NEDD4: variants seen among roughly 807,000 people sequenced by gnomAD.
The protein encoded by NEDD4 is NEDD4 E3 ubiquitin protein ligase.
NEDD4 carries 99 observed loss-of-function variants against 144.9 expected under a neutral mutation model. That is an observed-to-expected ratio of 0.68 (90% confidence interval 0.58 to 0.81). NEDD4 has a LOEUF of 0.81. Ranked by LOEUF, NEDD4 falls within the 30% of genes least tolerant of loss-of-function variation. The pLI is 0.00. For missense variants in NEDD4, 985 were observed against 1,065.9 expected, an observed-to-expected ratio of 0.92 and a Z score of 1.06; for synonymous variants, 318 against 350.6, an observed-to-expected ratio of 0.91 and a Z score of 1.04.
At chr15:55,873,651 G>C (rs538463547) in intron 6 of NEDD4, among the ~76,000 whole-genome samples, 2 of 152,160 alleles carry the variant, frequency 1.3e-5, no homozygotes, top group East Asian at 3.9e-4. Context: ...TCTTCTGTGA[G>C]CTTAGGCACT....
chr15:55,837,422 A>G (rs1295852964), intron 24 of NEDD4, among the ~76,000 whole-genome samples: 12 of 108,356 alleles, frequency 1.1e-4, no homozygotes, highest in South Asian at 3.7e-4. Context: ...AAAGTGACTC[A>G]CTCCGCGCTC....
At chr15:55,831,611 T>A (rs1346320374) in intron 27 of NEDD4, among the ~76,000 whole-genome samples, 2 of 152,204 alleles carry the variant, frequency 1.3e-5, no homozygotes, top group Non-Finnish European at 2.9e-5. Flanking sequence ...CTGGCAAAGC[T>A]AACCACTTTG....
intron 5 of NEDD4, among the ~76,000 whole-genome samples, chr15:55,900,436 G>A (rs1374124649): frequency 6.6e-6 from 1 of 152,146 alleles, no homozygotes; most frequent in Non-Finnish European, 1.5e-5. Flanking sequence ...AGGAAACTCA[G>A]ATTAAATGGA....
chr15:55,874,889 G>A (rs984141839), intron 5 of NEDD4, among the ~76,000 whole-genome samples: 2 of 152,008 alleles, frequency 1.3e-5, no homozygotes, highest in East Asian at 1.9e-4. Context: ...CAGGAGAGTG[G>A]CTTAAATCCA....
intron 5 of NEDD4, chr15:55,916,766 G>A (rs755586118): frequency 1.9e-6 from 3 of 1,613,828 alleles, no homozygotes; most frequent in Admixed American, 1.7e-5. Flanking sequence ...CATCTCCGGA[G>A]GTTTCTGACA....
chr15:55,961,465 G>GTAT (rs58665877), intron 2 of NEDD4, among the ~76,000 whole-genome samples: 226 of 150,856 alleles, frequency 1.5e-3, no homozygotes, highest in East Asian at 5.1e-3. Context: ...TAAGTTTGTG[G>GTAT]TATTATTATT....
chr15:55,953,146 C>T (rs981250064), intron 2 of NEDD4, among the ~76,000 whole-genome samples: 1 of 151,806 alleles, frequency 6.6e-6, no homozygotes, highest in Non-Finnish European at 1.5e-5. Flanking sequence ...CACACCACCA[C>T]GCCCGGCTAA....
intron 12 of NEDD4, among the ~76,000 whole-genome samples, chr15:55,853,913 C>T (rs1208331021): frequency 6.6e-6 from 1 of 152,148 alleles, no homozygotes; most frequent in Non-Finnish European, 1.5e-5. Flanking sequence ...ACTGCTTGAA[C>T]CGGGAGGCAG....
intron 5 of NEDD4, among the ~76,000 whole-genome samples, chr15:55,898,231 A>C (rs2035799034): frequency 6.6e-6 from 1 of 152,218 alleles, no homozygotes; most frequent in Admixed American, 6.5e-5. Context: ...CATAGTTGGA[A>C]GTCACTATTT....
chr15:55,930,482 C>T (rs2036758114), intron 4 of NEDD4, among the ~76,000 whole-genome samples: 1 of 152,132 alleles, frequency 6.6e-6, no homozygotes, highest in Non-Finnish European at 1.5e-5. Flanking sequence ...CTCTAGGTGA[C>T]CTTCCATTCA....
At chr15:55,991,672 G>T (rs2037990378) in intron 1 of NEDD4, among the ~76,000 whole-genome samples, 1 of 152,228 alleles carries the variant, frequency 6.6e-6, no homozygotes, top group African/African-American at 2.4e-5. Flanking sequence ...CCCAGAATGT[G>T]AATGGGATAG....
rs559489117 is a variant in NEDD4, at chr15:55,849,163, T to C, written c.1348-277A>G. Among the ~76,000 whole-genome samples, 10 of 152,328 alleles carry C rather than the reference T, an allele frequency of 6.6e-5. No individual in the cohort carries two copies. The South Asian group carries it at 1.7e-3, about 25-fold the overall frequency. ...GCTCTTTAGGAAATGTGTCACTATATAGGGCTTTTCTCTATGTAAAAACTG... is the reference window on the plus strand; with the variant it reads ...GCTCTTTAGGAAATGTGTCACTATACAGGGCTTTTCTCTATGTAAAAACTG... On this transcript the variant is annotated intron_variant, in intron 14 of 28. Coordinates refer to ENST00000435532, the MANE Select transcript of NEDD4 (RefSeq NM_006154.4).
chr15:55,889,763 T>C (rs1238043048), intron 5 of NEDD4, among the ~76,000 whole-genome samples: 1 of 152,080 alleles, frequency 6.6e-6, no homozygotes, highest in African/African-American at 2.4e-5. Flanking sequence ...TGCAGTGGTG[T>C]GATCTCAGCT....
intron 4 of NEDD4, among the ~76,000 whole-genome samples, chr15:55,938,555 A>G (rs760739018): frequency 2.6e-5 from 4 of 152,146 alleles, no homozygotes; most frequent in Non-Finnish European, 4.4e-5. Context: ...TGACAATGAC[A>G]ATGATTTTTT....
At chr15:55,993,466 A>C in intron 1 of NEDD4, 45 bp downstream of exon 1, 1 of 1,586,962 alleles carries the variant, frequency 6.3e-7, no homozygotes, top group Non-Finnish European at 8.6e-7. Flanking sequence ...CGGCTGCTGA[A>C]TAACCCGAAG....
At chr15:55,947,796 G>A (rs532854762) in intron 4 of NEDD4, among the ~76,000 whole-genome samples, 45 of 152,198 alleles carry the variant, frequency 3.0e-4, no homozygotes, top group Admixed American at 1.5e-3. Context: ...TTGATGGGAC[G>A]TATCTCAAAA....
At chr15:55,894,324 A>G (rs1319067715) in intron 5 of NEDD4, among the ~76,000 whole-genome samples, 1 of 152,256 alleles carries the variant, frequency 6.6e-6, no homozygotes, top group Non-Finnish European at 1.5e-5. Context: ...ATTAGGTATT[A>G]TAAGTAATCT....
At chr15:55,898,631 CTTTT>C (rs34372143) in intron 5 of NEDD4, among the ~76,000 whole-genome samples, 1 of 108,284 alleles carries the variant, frequency 9.2e-6, no homozygotes, top group Non-Finnish European at 1.9e-5. Context: ...ACAAAAAGAA[CTTTT>C]TTTTTTTTTT....
chr15:55,868,311 TAAG>T (rs1171898475), intron 8 of NEDD4, among the ~76,000 whole-genome samples: 1 of 152,100 alleles, frequency 6.6e-6, no homozygotes, highest in Non-Finnish European at 1.5e-5. Flanking sequence ...AGGCAACAAA[TAAG>T]AACCCTCCAG....
Sources: gnomAD v4.1 joint callset for allele counts (sites outside exome capture counted in the v4.1 genomes callset) on GRCh38, gnomAD v4.1.1 for gene constraint, MANE v1.5 for transcripts, NCBI Gene and HGNC (gene_info 2026-07-23, HGNC 2026-07-21) for gene names.